NCAPG2: variants seen among roughly 807,000 people sequenced by gnomAD.
The protein encoded by NCAPG2 is non-SMC condensin II complex subunit G2.
In NCAPG2, 53 loss-of-function variants were observed where a neutral mutation model predicts 141.1. The ratio of observed to expected loss-of-function variants is 0.38; its 90% CI spans 0.30 to 0.47. The LOEUF (loss-of-function observed/expected upper bound fraction) is 0.47, where lower values mean the gene tolerates loss of function less well. Ranked by LOEUF, NCAPG2 falls within the 20% of genes least tolerant of loss-of-function variation. NCAPG2 has a pLI of 0.99. For synonymous variants in NCAPG2, 499 were observed against 490.7 expected (o/e 1.02, Z -0.22); for missense variants, 1,087 against 1,389.0 (o/e 0.78, Z 3.46).
intron 17 of NCAPG2, among the ~76,000 whole-genome samples, chr7:158,658,020 G>C (rs1159061321): frequency 2.0e-5 from 3 of 151,876 alleles, no homozygotes; most frequent in Non-Finnish European, 4.4e-5. Flanking sequence ...CGCTGCGGAA[G>C]GCCGCAGGGT....
intron 27 of NCAPG2, chr7:158,641,405 TAAAG>T (rs1188933942): frequency 4.0e-6 from 2 of 503,312 alleles, no homozygotes; most frequent in East Asian, 6.4e-5. Context: ...ACTTTAAATA[TAAAG>T]ACACATATAG....
chr7:158,642,280 G>C (rs1418692736), intron 27 of NCAPG2, among the ~76,000 whole-genome samples: 1 of 152,214 alleles, frequency 6.6e-6, no homozygotes, highest in Non-Finnish European at 1.5e-5. Context: ...GCTCACACTG[G>C]TAATCTCAGA....
rs148773879 is a variant in NCAPG2 at position 158,633,996 on chromosome 7, G to A, written c.3381-2279C>T. On this transcript the variant is annotated intron_variant, in intron 27 of 27. Transcript: ENST00000356309. This position sits in a 1 kb window ranked among gnomAD's most constrained non-coding sequence, Gnocchi z 4.1. ...TGAACTCAGCTTAAGCAATCTGCCCGCCTCAGCCTCCCAAAGTGATGGAAT... is the reference window on the plus strand; with the variant it reads ...TGAACTCAGCTTAAGCAATCTGCCCACCTCAGCCTCCCAAAGTGATGGAAT... Among the ~76,000 whole-genome samples, 281 of 152,098 alleles carry A rather than the reference G, an allele frequency of 1.8e-3. 1 individual carries two copies. Among genetic ancestry groups the A allele is most frequent in the African/African-American group, 6.0e-3 (249 of 41,486 alleles).
At chr7:158,661,741 G>A (rs1013135252) in intron 16 of NCAPG2, among the ~76,000 whole-genome samples, 2 of 151,962 alleles carry the variant, frequency 1.3e-5, no homozygotes, top group Middle Eastern at 6.3e-3. Flanking sequence ...TTTTAAAAAA[G>A]AAATCACACA....
chr7:158,658,015 C>T (rs1490466979), intron 17 of NCAPG2, among the ~76,000 whole-genome samples: 48 of 147,740 alleles, frequency 3.2e-4, no homozygotes, highest in South Asian at 4.4e-4. Context: ...ACAAACGCTG[C>T]GGAAGGCCGC....
chr7:158,666,923 C>A (rs1387835692), intron 13 of NCAPG2, among the ~76,000 whole-genome samples: 2 of 152,114 alleles, frequency 1.3e-5, no homozygotes, highest in Non-Finnish European at 2.9e-5. Flanking sequence ...GCTGCATGTA[C>A]AAGACCCTCC....
At chr7:158,675,783 C>T in intron 11 of NCAPG2, 127 bp from the exon 12 acceptor site, 3 of 928,214 alleles carry the variant, frequency 3.2e-6, no homozygotes, top group Non-Finnish European at 4.7e-6. Flanking sequence ...ATACTGGACA[C>T]ATATGGATTC....
rs1487176995 is a variant in NCAPG2, at chr7:158,633,724, AG to A, written c.3381-2008del. ...AGGCAAGACAGAGGAGAACAGGCCCAGGAAGTCATGAACCCTCCAAAATCTA... is the reference window on the plus strand; with the variant it reads ...AGGCAAGACAGAGGAGAACAGGCCCAGAAGTCATGAACCCTCCAAAATCTA... On this transcript the variant is annotated intron_variant, in intron 27 of 27. Coordinates refer to ENST00000356309, the MANE Select transcript of NCAPG2 (RefSeq NM_017760.7). The surrounding 1 kb of genome is among the most constrained non-coding windows in gnomAD (Gnocchi z 4.1). 6.6e-6 allele frequency among the ~76,000 whole-genome samples: 1 copy of A among 152,234 alleles called. No homozygotes were observed. Among genetic ancestry groups the A allele is most frequent in the African/African-American group, 2.4e-5 (1 of 41,472 alleles).
chr7:158,654,762 A>G lies in NCAPG2; in HGVS notation c.2647-68T>C, dbSNP rs6946649. The G allele has an allele frequency of 3.4e-3, 5,292 of 1,542,664 alleles. 156 individuals carry two copies. The African/African-American group carries it at 0.066, about 19-fold the overall frequency. On this transcript the variant is annotated intron_variant, in intron 21 of 27. Coordinates refer to ENST00000356309, the MANE Select transcript of NCAPG2 (RefSeq NM_017760.7). ...AAAAGGGAGTAAATCCAGCCTCACAAAGCTTCTCCTATCCATGTGCTAGTT... is the reference window on the plus strand; with the variant it reads ...AAAAGGGAGTAAATCCAGCCTCACAGAGCTTCTCCTATCCATGTGCTAGTT...
chr7:158,664,304 G>A lies in NCAPG2; in HGVS notation c.1703-8C>T. The A allele has an allele frequency of 6.2e-7, 1 of 1,600,716 alleles. No individual in the cohort carries two copies. Reference sequence around the variant, plus strand: ...TAACGTGAATCAGCTTTGCTGAAATGTTTAGGATAAACAAGAATTAATGGA... The same window carrying A: ...TAACGTGAATCAGCTTTGCTGAAATATTTAGGATAAACAAGAATTAATGGA... On this transcript the variant is annotated splice_polypyrimidine_tract_variant and splice_region_variant and intron_variant, in intron 14 of 27. Coordinates refer to ENST00000356309, the MANE Select transcript of NCAPG2 (RefSeq NM_017760.7).
chr7:158,653,480 T>C (rs1831653628), intron 22 of NCAPG2, among the ~76,000 whole-genome samples: 1 of 152,110 alleles, frequency 6.6e-6, no homozygotes, highest in Non-Finnish European at 1.5e-5. Context: ...AAACAAATGA[T>C]GGATGATTTT....
At chr7:158,681,487 A>C (rs1233295218) in intron 9 of NCAPG2, among the ~76,000 whole-genome samples, 1 of 152,236 alleles carries the variant, frequency 6.6e-6, no homozygotes, top group Admixed American at 6.5e-5. Flanking sequence ...TTTTGGGGCT[A>C]AACTTTATTA....
At chr7:158,666,735 T>A (rs940327891) in intron 13 of NCAPG2, among the ~76,000 whole-genome samples, 11 of 151,598 alleles carry the variant, frequency 7.3e-5, no homozygotes, top group Admixed American at 2.6e-4. Context: ...GACGCCACCC[T>A]GGGCAACACA....
intron 27 of NCAPG2, chr7:158,641,524 C>T (rs1226974840): frequency 3.0e-6 from 2 of 670,620 alleles, no homozygotes; most frequent in African/African-American, 1.8e-5. Context: ...GAGTTAGAGC[C>T]CAGCCTGGGC....
In NCAPG2 at chr7:158,687,151, T is replaced by C. The variant is rs149431075; in HGVS notation, c.767+197A>G. On this transcript the variant is annotated intron_variant, in intron 7 of 27. Coordinates refer to ENST00000356309, the MANE Select transcript of NCAPG2 (RefSeq NM_017760.7). ...TAAAGAACTACCACAAATTAAAACC[T>C]TAATTTCAGTGGTCAATACTGGAAA... is the stretch of plus-strand genomic sequence containing the variant. 5.9e-3 allele frequency among the ~76,000 whole-genome samples: 901 copies of C among 152,316 alleles called. 10 individuals are homozygous for C. Among genetic ancestry groups the C allele is most frequent in the African/African-American group, 0.017 (726 of 41,566 alleles).
chr7:158,682,005 T>A (rs1834479505), intron 9 of NCAPG2, among the ~76,000 whole-genome samples: 1 of 152,196 alleles, frequency 6.6e-6, no homozygotes, highest in Non-Finnish European at 1.5e-5. Context: ...TGTTATAAGT[T>A]GTGACAAAAA....
intron 27 of NCAPG2, among the ~76,000 whole-genome samples, chr7:158,634,645 T>C (rs1830076194): frequency 6.6e-6 from 1 of 152,158 alleles, no homozygotes; most frequent in South Asian, 2.1e-4. Flanking sequence ...CTGTAACAGA[T>C]AAGCTAACTG....
rs113796804 is a variant in NCAPG2 at position 158,650,990 on chromosome 7, C to G, written c.2935-18G>C. The G allele has an allele frequency of 6.4e-7, 1 of 1,551,920 alleles. No homozygotes were observed. Among genetic ancestry groups the G allele is most frequent in the East Asian group, 2.4e-5 (1 of 42,500 alleles). On this transcript the variant is annotated intron_variant, in intron 23 of 27. Transcript: ENST00000356309. The stretch of plus-strand genomic sequence containing the variant: ...TAAAGCAGCTACAAGAAAACACATA[C>G]GTCACTTTTAATGACTAAAAACCAT...
At chr7:158,669,407 T>C (rs948118364) in intron 13 of NCAPG2, among the ~76,000 whole-genome samples, 11 of 152,126 alleles carry the variant, frequency 7.2e-5, no homozygotes, top group Non-Finnish European at 1.6e-4. Context: ...AGCACAGAAC[T>C]ACAGTTTTAA....
Sources: allele counts gnomAD v4.1 joint callset (sites outside exome capture counted in the v4.1 genomes callset), GRCh38; gene constraint gnomAD v4.1.1; non-coding constraint Gnocchi (gnomAD v3.1); transcripts MANE v1.5; gene names NCBI Gene and HGNC (gene_info 2026-07-23, HGNC 2026-07-21).